The following TMEM117 variants were observed in gnomAD, a reference collection of about 807,000 sequenced individuals.
TMEM117 encodes the protein transmembrane protein 117.
Under a neutral mutation model 52.4 loss-of-function variants are expected in TMEM117, and 27 were observed. The ratio of observed to expected loss-of-function variants is 0.51; its 90% CI spans 0.38 to 0.71. TMEM117 has a LOEUF of 0.71. TMEM117 is among the 30% of genes least tolerant of loss of function. TMEM117 has a pLI of 0.00. For synonymous variants in TMEM117, 215 were observed against 206.3 expected, an observed-to-expected ratio of 1.04 and a Z score of -0.36; for missense variants, 556 against 630.5, an observed-to-expected ratio of 0.88 and a Z score of 1.26.
chr12:44,207,346 A>T (rs1246166702), intron 4 of TMEM117, among the ~76,000 whole-genome samples: 3 of 152,150 alleles, frequency 2.0e-5, no homozygotes, highest in African/African-American at 7.2e-5. Flanking sequence ...TATATGTAGT[A>T]CCTGCGTGGG....
rs557190567 is a variant in TMEM117, at chr12:44,324,294, C to CTAT, written c.768+24561_768+24563dup. Among the ~76,000 whole-genome samples, 273 of 152,016 alleles carry CTAT rather than the reference C, an allele frequency of 1.8e-3. 2 individuals carry two copies. The highest frequency in any genetic ancestry group is 6.3e-3 in the African/African-American group (261 of 41,502). On this transcript the variant is annotated intron_variant, in intron 6 of 7. Coordinates refer to ENST00000266534, the MANE Select transcript of TMEM117 (RefSeq NM_032256.3). Reference sequence around the variant, plus strand: ...TTCCCCTTCTTTTCCTATGATGATACTATTATTAGTAGTACTATTTTCACC... The same window carrying CTAT: ...TTCCCCTTCTTTTCCTATGATGATACTATTATTATTAGTAGTACTATTTTCACC...
At chr12:43,972,856 C>T (rs56122564) in intron 3 of TMEM117, among the ~76,000 whole-genome samples, 10,562 of 152,198 alleles carry the variant, frequency 0.069, 476 homozygotes, top group African/African-American at 0.12. Context: ...CTCCAAGTCC[C>T]CACTTGACCC....
chr12:43,952,269 C>T (rs1352443870), intron 3 of TMEM117, among the ~76,000 whole-genome samples: 1 of 152,058 alleles, frequency 6.6e-6, no homozygotes, highest in Non-Finnish European at 1.5e-5. Flanking sequence ...AGCAACAGCA[C>T]AGAACAGGGC....
chr12:44,039,267 T>C (rs1946760217), intron 3 of TMEM117, among the ~76,000 whole-genome samples: 1 of 152,034 alleles, frequency 6.6e-6, no homozygotes. Context: ...GGCATATCAA[T>C]TTTACAAATC....
At position 43,865,920 on chromosome 12, in the gene TMEM117, A is replaced by C. The variant is rs148241834; in HGVS notation, c.277+20992A>C. Among the ~76,000 whole-genome samples the C allele has an allele frequency of 2.6e-5, 4 of 151,994 alleles. 1 individual carries two copies. In the East Asian group the frequency reaches 7.7e-4, roughly 29 times the overall value. On this transcript the variant is annotated intron_variant, in intron 2 of 7. Transcript: ENST00000266534. ...AAGATAATAAAACAATGTATCATCT[A>C]TAAAGTCCAGTTTAAAATTAAAGTT...
At chr12:44,263,570 T>C (rs1950345030) in intron 5 of TMEM117, 1 of 152,244 alleles carries the variant, frequency 6.6e-6, no homozygotes, top group Non-Finnish European at 1.5e-5. Flanking sequence ...CTATTCACAA[T>C]AGCAAAGACT....
intron 5 of TMEM117, among the ~76,000 whole-genome samples, chr12:44,251,239 A>G (rs1475035256): frequency 6.6e-6 from 1 of 152,190 alleles, no homozygotes; most frequent in Non-Finnish European, 1.5e-5. Flanking sequence ...GTATCATCAT[A>G]ATTTAATGGG....
intron 3 of TMEM117, among the ~76,000 whole-genome samples, chr12:44,059,099 T>C (rs893567387): frequency 6.6e-6 from 1 of 152,180 alleles, no homozygotes; most frequent in Admixed American, 6.5e-5. Flanking sequence ...CCTATGAGAA[T>C]GTAATGCCAC....
In TMEM117 at chr12:44,131,182, C is replaced by G. The variant is rs77980855; in HGVS notation, c.411-12343C>G. 1.9e-3 allele frequency among the ~76,000 whole-genome samples: 292 copies of G among 152,198 alleles called. 6 individuals carry two copies. The East Asian group carries it at 0.035, about 18-fold the overall frequency. On this transcript the variant is annotated intron_variant, in intron 3 of 7. Transcript: ENST00000266534. ...AGTTTAAGCATGGTGTTAGCTCTTT[C>G]TCACAGTGCTTTCATTATTATCCTG...
chr12:44,275,117 C>A (rs954349230), intron 5 of TMEM117, among the ~76,000 whole-genome samples: 3 of 151,804 alleles, frequency 2.0e-5, no homozygotes, highest in Admixed American at 6.6e-5. Context: ...GTTGAATAAC[C>A]CGATCAAAAA....
At chr12:43,897,347 T>C (rs918376257) in intron 2 of TMEM117, among the ~76,000 whole-genome samples, 2 of 150,712 alleles carry the variant, frequency 1.3e-5, no homozygotes, top group African/African-American at 4.9e-5. Context: ...AGTCTCACAT[T>C]GTCACCTGGG....
chr12:44,083,389 G>GTTTTTTTTT (rs1160025038), intron 3 of TMEM117, among the ~76,000 whole-genome samples: 7 of 80,394 alleles, frequency 8.7e-5, no homozygotes, highest in East Asian at 3.6e-4. Context: ...GGTATTGTTA[G>GTTTTTTTTT]TTTTTTTTTT....
chr12:44,322,684 T>C (rs894335059), intron 6 of TMEM117, among the ~76,000 whole-genome samples: 1 of 152,096 alleles, frequency 6.6e-6, no homozygotes, highest in Non-Finnish European at 1.5e-5. Flanking sequence ...AATTTTAGTC[T>C]CACGATGCAA....
chr12:43,810,969 A>G, the TMEM117 span, among the ~76,000 whole-genome samples: 1 of 152,232 alleles, frequency 6.6e-6, no homozygotes, highest in Non-Finnish European at 1.5e-5. Flanking sequence ...ATCCCAGAAA[A>G]AGAACTGTTC....
intron 3 of TMEM117, among the ~76,000 whole-genome samples, chr12:44,116,718 G>T (rs1565834715): frequency 6.6e-6 from 1 of 152,176 alleles, no homozygotes; most frequent in Non-Finnish European, 1.5e-5. Context: ...GCACCACTGG[G>T]TCACCAGTTG....
At chr12:43,925,524 G>A (rs1487651066) in intron 2 of TMEM117, among the ~76,000 whole-genome samples, 1 of 152,060 alleles carries the variant, frequency 6.6e-6, no homozygotes, top group African/African-American at 2.4e-5. Flanking sequence ...GGCTGGTGGA[G>A]GCTAGTGCTC....
chr12:44,076,071 A>G (rs898136368), intron 3 of TMEM117, among the ~76,000 whole-genome samples: 2 of 152,174 alleles, frequency 1.3e-5, no homozygotes, highest in African/African-American at 4.8e-5. Flanking sequence ...ACCTAAATGA[A>G]CTGACTTTTT....
chr12:43,800,114 C>T, the TMEM117 span, among the ~76,000 whole-genome samples: 9 of 152,116 alleles, frequency 5.9e-5, no homozygotes, highest in Non-Finnish European at 1.2e-4. Flanking sequence ...ATCAGAAAAG[C>T]TCTAAACAAA....
At chr12:43,985,100 G>T (rs183107191) in intron 3 of TMEM117, among the ~76,000 whole-genome samples, 1 of 152,118 alleles carries the variant, frequency 6.6e-6, no homozygotes. Flanking sequence ...ATGTCCATAA[G>T]TTCCTACATA....
Sources: gnomAD v4.1 joint callset for allele counts (sites outside exome capture counted in the v4.1 genomes callset) on GRCh38, gnomAD v4.1.1 for gene constraint, MANE v1.5 for transcripts, NCBI Gene and HGNC (gene_info 2026-07-23, HGNC 2026-07-21) for gene names.